The following ZNF469 variants were observed in gnomAD, a reference collection of about 807,000 sequenced individuals.
ZNF469 encodes zinc finger protein 469.
A neutral mutation model predicts 1.0 loss-of-function variants in ZNF469; 1 was observed. The observed-to-expected ratio is 1.00, with a 90% CI of 0.35 to 4.73. The LOEUF is 4.73. Ranked by LOEUF, ZNF469 falls within the 30% of genes most tolerant of loss-of-function variation. The pLI, the probability that ZNF469 is intolerant of heterozygous loss-of-function variation, is 0.16. For synonymous variants in ZNF469, 2,703 were observed against 2,363.4 expected, an observed-to-expected ratio of 1.14 and a Z score of -4.17; for missense variants, 6,100 against 5,356.3, an observed-to-expected ratio of 1.14 and a Z score of -4.33.
chr16:88,304,052 C>A, the ZNF469 span, among the ~76,000 whole-genome samples: 372 of 152,334 alleles, frequency 2.4e-3, no homozygotes, highest in Non-Finnish European at 3.9e-3. Context: ...AGCTCCTGGG[C>A]TGTTATGCAG....
the ZNF469 span, among the ~76,000 whole-genome samples, chr16:88,114,007 C>G: frequency 6.6e-6 from 1 of 152,164 alleles, no homozygotes; most frequent in African/African-American, 2.4e-5. Context: ...TGATGTCCGG[C>G]GAGCACCATG....
intron 1 of ZNF469, among the ~76,000 whole-genome samples, chr16:88,390,078 A>G (rs1382814384): frequency 6.6e-6 from 1 of 152,158 alleles, no homozygotes; most frequent in Non-Finnish European, 1.5e-5. Flanking sequence ...TGTGTCGAGG[A>G]GAAAGAAATA....
the ZNF469 span, among the ~76,000 whole-genome samples, chr16:88,338,367 C>G: frequency 1.3e-5 from 2 of 152,204 alleles, no homozygotes; most frequent in African/African-American, 4.8e-5. Flanking sequence ...AGTCTGCACC[C>G]TGCAGGCCAC....
At chr16:88,187,715 ATT>A in the ZNF469 span, among the ~76,000 whole-genome samples, 1,602 of 140,146 alleles carry the variant, frequency 0.011, 13 homozygotes, top group African/African-American at 0.022. Context: ...GATTGCCTGC[ATT>A]TTTTTTTTTT....
chr16:88,313,830 G>C, the ZNF469 span, among the ~76,000 whole-genome samples: 3 of 151,350 alleles, frequency 2.0e-5, no homozygotes, highest in Admixed American at 6.6e-5. Flanking sequence ...GGCAGTGCTG[G>C]TGTGGGCTGT....
chr16:88,114,375 C>G, the ZNF469 span, among the ~76,000 whole-genome samples: 1 of 142,132 alleles, frequency 7.0e-6, no homozygotes, highest in Non-Finnish European at 1.5e-5. Flanking sequence ...AGGGACCACA[C>G]TCACTCACTG....
rs1353481572 is a variant in ZNF469, at chr16:88,435,891, C to G, written c.8421C>G (p.Ser2807Arg). 5 of 1,550,050 alleles carry G rather than the reference C, an allele frequency of 3.2e-6. No homozygotes were observed. Among genetic ancestry groups the G allele is most frequent in the Non-Finnish European group, 4.4e-6 (5 of 1,146,976 alleles). Residue 2807 changes from serine (S) to arginine (R), a missense_variant, in exon 3 of 3, where the codon AGC becomes AGG. Coordinates refer to ENST00000565624, the MANE Select transcript of ZNF469 (RefSeq NM_001367624.2). ...CCCTGGGTTTTCCCGAGACTTCCAG[C>G]TCTCCGGCGGACAGCACCACCAGCA... ...LGPLGFPETS[S>R]SPADSTTSSC... is the part of the protein sequence containing the mutation.
At chr16:88,133,159 C>T in the ZNF469 span, among the ~76,000 whole-genome samples, 12 of 152,376 alleles carry the variant, frequency 7.9e-5, no homozygotes, top group East Asian at 1.3e-3. Flanking sequence ...GTACCGGCCA[C>T]AGCACCTCAC....
At chr16:88,242,507 A>G in the ZNF469 span, among the ~76,000 whole-genome samples, 1 of 152,144 alleles carries the variant, frequency 6.6e-6, no homozygotes, top group African/African-American at 2.4e-5. Flanking sequence ...ACTGGGGCCC[A>G]CCCAGATGAC....
chr16:88,344,259 G>C, the ZNF469 span, among the ~76,000 whole-genome samples: 84 of 143,654 alleles, frequency 5.8e-4, no homozygotes, highest in Non-Finnish European at 1.1e-3. Flanking sequence ...AGAGGCGATG[G>C]GGGGGCGGGT....
At chr16:88,327,854 G>C in the ZNF469 span, among the ~76,000 whole-genome samples, 1,009 of 152,328 alleles carry the variant, frequency 6.6e-3, 7 homozygotes, top group South Asian at 0.017. Flanking sequence ...CCCGAGTTCA[G>C]CTGGGGCCCA....
chr16:88,349,091 G>C, the ZNF469 span, among the ~76,000 whole-genome samples: 2 of 152,156 alleles, frequency 1.3e-5, no homozygotes, highest in Non-Finnish European at 2.9e-5. Context: ...CATGGCTCTG[G>C]GCGGGAGGCA....
the ZNF469 span, among the ~76,000 whole-genome samples, chr16:88,114,836 G>C: frequency 6.6e-6 from 1 of 152,214 alleles, no homozygotes; most frequent in Non-Finnish European, 1.5e-5. Flanking sequence ...CTGGTTCCTT[G>C]TGGCTGCCGC....
At position 88,436,929 on chromosome 16, in the gene ZNF469, TGGCTCGC is replaced by T; in HGVS notation, c.9462_9468del (p.Arg3156CysfsTer24). ...GCTACATGTGCGTGGAGCGCAGGTT[TGGCTCGC>T]GGGAGCTGCTGCGGGGGCACCTGCA... On this transcript the variant is annotated frameshift_variant, in exon 3 of 3. Transcript: ENST00000565624. LOFTEE classifies it low-confidence loss of function (END_TRUNC). 1 of 1,494,636 alleles carries T rather than the reference TGGCTCGC, an allele frequency of 6.7e-7. No homozygotes were observed. Among genetic ancestry groups the T allele is most frequent in the Non-Finnish European group, 8.9e-7 (1 of 1,123,284 alleles). The allele number at this position is 1,494,636 out of a possible 1,614,324, so 92.6% of individuals were successfully genotyped here.
Position 88,438,959 on chromosome 16 carries a change from G to C in ZNF469, c.11489G>C (p.Ser3830Thr), listed in dbSNP as rs905925958. ...GTCCCAGGGCCAGCCAGGAGTGAAA[G>C]TGTGGGGAGCTTCGGGAGAGCCCCC... ...GQVPGPARSE[S>T]VGSFGRAPSA... The change falls in exon 3 of 3, where the codon AGT (serine) becomes ACT (threonine). Residue 3830 changes from serine to threonine, a missense_variant. Physicochemically the swap from Ser to Thr is moderately conservative, Grantham distance 58. Transcript: ENST00000565624. 3 of 1,550,322 alleles carry C rather than the reference G, an allele frequency of 1.9e-6. No individual in the cohort carries two copies. In the African/African-American group the frequency reaches 4.1e-5, roughly 21 times the overall value.
In ZNF469 at chr16:88,437,939, G is replaced by T. The variant is rs1465327937; in HGVS notation, c.10469G>T (p.Arg3490Met). The T allele has an allele frequency of 1.9e-6, 3 of 1,542,364 alleles. No individual in the cohort carries two copies. Among genetic ancestry groups the T allele is most frequent in the South Asian group, 2.4e-5 (2 of 83,946 alleles). Residue 3490 changes from arginine (R) to methionine (M), a missense_variant, in exon 3 of 3, where the codon AGG (arginine) becomes ATG (methionine). Arg to Met is a moderately conservative substitution (Grantham distance 91). Transcript: ENST00000565624. ...PGSAPGPGED[R>M]PPPRGSSPIL... Reference sequence around the variant, plus strand: ...AGTGCCCCTGGGCCCGGCGAGGACAGGCCTCCTCCCCGGGGAAGCAGCCCC... The same window carrying T: ...AGTGCCCCTGGGCCCGGCGAGGACATGCCTCCTCCCCGGGGAAGCAGCCCC...
the ZNF469 span, among the ~76,000 whole-genome samples, chr16:88,269,192 C>G: frequency 6.6e-6 from 1 of 152,194 alleles, no homozygotes; most frequent in Non-Finnish European, 1.5e-5. Flanking sequence ...GGGTTTGAGT[C>G]TTTCCACTTT....
the ZNF469 span, among the ~76,000 whole-genome samples, chr16:88,264,198 C>T: frequency 6.6e-6 from 1 of 152,096 alleles, no homozygotes; most frequent in Non-Finnish European, 1.5e-5. Context: ...TCCTCAGGCC[C>T]CTTTGCTTCC....
chr16:88,275,087 T>G, the ZNF469 span, among the ~76,000 whole-genome samples: 4 of 152,272 alleles, frequency 2.6e-5, no homozygotes, highest in South Asian at 8.3e-4. Context: ...GCTGGAGAGA[T>G]AGGGCACAAA....
Sources: gnomAD v4.1 joint callset for allele counts (sites outside exome capture counted in the v4.1 genomes callset) on GRCh38, gnomAD v4.1.1 for gene constraint, MANE v1.5 for transcripts, NCBI Gene and HGNC (gene_info 2026-07-23, HGNC 2026-07-21) for gene names.